The following TMEM39B variants were observed in gnomAD, a reference collection of about 807,000 sequenced individuals.
TMEM39B encodes the protein transmembrane protein 39B.
Under a neutral mutation model 52.2 loss-of-function variants are expected in TMEM39B, and 23 were observed. The ratio of observed to expected loss-of-function variants is 0.44; its 90% CI spans 0.32 to 0.62. The LOEUF is 0.62. TMEM39B is among the 20% of genes least tolerant of loss of function. TMEM39B has a pLI of 0.06. For synonymous variants in TMEM39B, 285 were observed against 264.0 expected (o/e 1.08, Z -0.77); for missense variants, 547 against 642.0 (o/e 0.85, Z 1.60).
intron 6 of TMEM39B, among the ~76,000 whole-genome samples, chr1:32,093,232 G>A (rs1640677157): frequency 6.6e-6 from 1 of 151,670 alleles, no homozygotes; most frequent in Non-Finnish European, 1.5e-5. Flanking sequence ...CCAAGTAGCT[G>A]GGATTACAGG....
rs544501648 is a variant in TMEM39B, at chr1:32,094,637, T to C, written c.928-147T>C. Reference sequence around the variant, plus strand: ...TAGTGGGCACAGGGCCTAAGCCTTGTTTGTTGGGTGTTTGATTCTTGGTTT... The same window carrying C: ...TAGTGGGCACAGGGCCTAAGCCTTGCTTGTTGGGTGTTTGATTCTTGGTTT... On this transcript the variant is annotated intron_variant, in intron 6 of 8. Coordinates refer to ENST00000336294, the MANE Select transcript of TMEM39B (RefSeq NM_018056.4). The C allele has an allele frequency of 4.0e-5, 36 of 893,258 alleles. No homozygotes were observed. In the African/African-American group the frequency reaches 5.7e-4, roughly 14 times the overall value. The allele number at this position is 893,258 out of a possible 1,614,324, so 55.3% of individuals were successfully genotyped here. A position where few individuals can be genotyped will look rare whatever the true frequency, so the allele number is the denominator to read the frequency against.
rs1207107603 is a variant in TMEM39B, at chr1:32,102,828, G to A, written c.*155G>A. ...ACGTACTGTTTCTTTGATAATTGAT[G>A]TGATAAGGAAAAAAGTCCTATTTTT... On this transcript the variant is annotated 3_prime_UTR_variant, in exon 9 of 9. Coordinates refer to ENST00000336294, the MANE Select transcript of TMEM39B (RefSeq NM_018056.4). The A allele has an allele frequency of 9.1e-6, 8 of 882,064 alleles. No homozygotes were observed. In the South Asian group the frequency reaches 1.7e-4, roughly 19 times the overall value. The allele number at this position is 882,064 out of a possible 1,614,324, so 54.6% of individuals were successfully genotyped here.
chr1:32,073,768 ACATC>A, intron 1 of TMEM39B: 1 of 985,370 alleles, frequency 1.0e-6, no homozygotes, highest in Non-Finnish European at 1.2e-6. Flanking sequence ...TTTTGGGCAT[ACATC>A]CAAGCCCAAA....
chr1:32,079,464 A>G (rs943752263), intron 5 of TMEM39B, among the ~76,000 whole-genome samples: 2 of 151,954 alleles, frequency 1.3e-5, no homozygotes, highest in South Asian at 4.2e-4. Flanking sequence ...GATTACAGGC[A>G]TGAGCCACCG....
intron 5 of TMEM39B, among the ~76,000 whole-genome samples, chr1:32,083,409 C>CTTT (rs1052027069): frequency 0.01 from 569 of 54,646 alleles, 14 homozygotes; most frequent in African/African-American, 0.015. Context: ...TAAAGGACTT[C>CTTT]TTTTTTTTTT....
intron 5 of TMEM39B, among the ~76,000 whole-genome samples, chr1:32,080,786 T>C (rs1640062964): frequency 6.6e-6 from 1 of 152,128 alleles, no homozygotes; most frequent in African/African-American, 2.4e-5. Flanking sequence ...TATGCTTTAT[T>C]TTTCATTATT....
chr1:32,083,106 G>A (rs543951654), intron 5 of TMEM39B, among the ~76,000 whole-genome samples: 6 of 115,574 alleles, frequency 5.2e-5, no homozygotes, highest in Non-Finnish European at 1.0e-4. Flanking sequence ...TTTTTGAGAC[G>A]GAGTTTTGCT....
intron 5 of TMEM39B, among the ~76,000 whole-genome samples, chr1:32,089,043 T>TA (rs1419022389): frequency 6.6e-6 from 1 of 152,000 alleles, no homozygotes; most frequent in Non-Finnish European, 1.5e-5. Context: ...ACAAGCTATG[T>TA]AATTTAGGGC....
At chr1:32,099,225 T>A (rs1412339805) in intron 7 of TMEM39B, among the ~76,000 whole-genome samples, 4 of 146,914 alleles carry the variant, frequency 2.7e-5, no homozygotes, top group African/African-American at 7.5e-5. Context: ...AGAGTGAGAC[T>A]CTGTCTCAAA....
Position 32,076,838 on chromosome 1 carries a change from G to C in TMEM39B, c.427G>C (p.Val143Leu). ...VLGRRFIGSI[V>L]KEASQRGKVS... Reference sequence around the variant, plus strand: ...GGGCCGCCGCTTCATTGGGTCCATCGTGAAGGAGGTGATTGGGTCCTAGAG... The same window carrying C: ...GGGCCGCCGCTTCATTGGGTCCATCCTGAAGGAGGTGATTGGGTCCTAGAG... Residue 143 changes from valine to leucine, a missense_variant, in exon 4 of 9, where the codon GTG (valine) becomes CTG (leucine). Val to Leu is a conservative substitution (Grantham distance 32). Coordinates refer to ENST00000336294, the MANE Select transcript of TMEM39B (RefSeq NM_018056.4). The C allele has an allele frequency of 6.2e-7, 1 of 1,614,092 alleles. No homozygotes were observed. Among genetic ancestry groups the C allele is most frequent in the Non-Finnish European group, 8.5e-7 (1 of 1,180,026 alleles).
intron 1 of TMEM39B, chr1:32,073,873 G>A: frequency 2.0e-6 from 2 of 985,344 alleles, no homozygotes; most frequent in Non-Finnish European, 2.4e-6. Flanking sequence ...CTGTGAAGAG[G>A]TATGAACAGG....
At chr1:32,093,122 G>C (rs942194716) in intron 6 of TMEM39B, among the ~76,000 whole-genome samples, 1 of 151,586 alleles carries the variant, frequency 6.6e-6, no homozygotes, top group African/African-American at 2.4e-5. Flanking sequence ...TTTTTTAGAC[G>C]GAGTCTCGCT....
At chr1:32,078,388 T>C (rs1327333342) in intron 5 of TMEM39B, among the ~76,000 whole-genome samples, 1 of 151,720 alleles carries the variant, frequency 6.6e-6, no homozygotes, top group African/African-American at 2.4e-5. Flanking sequence ...GAAGCTGAGG[T>C]GGGAGAATCA....
rs772246191 is a variant in TMEM39B at position 32,077,151 on chromosome 1, T to C, written c.436-13T>C. 2.5e-6 allele frequency: 4 copies of C among 1,613,710 alleles called. No individual in the cohort carries two copies. In the African/African-American group the frequency reaches 4.0e-5, roughly 16 times the overall value. ...TCCAAGGCCCCATCCCGTCCTATCT[T>C]GCCCCGACCCAGGCCTCTCAGAGGG... On this transcript the variant is annotated splice_polypyrimidine_tract_variant and intron_variant, in intron 4 of 8. Coordinates refer to ENST00000336294, the MANE Select transcript of TMEM39B (RefSeq NM_018056.4).
At position 32,073,028 on chromosome 1, in the gene TMEM39B, G is replaced by C. The variant is rs1055134116; in HGVS notation, c.-20G>C. On this transcript the variant is annotated 5_prime_UTR_variant, in exon 1 of 9. Transcript: ENST00000336294. ...CCGCAGGAGCTGCGGCGGCGAAGCGGAGAGCACCGGGGGGAGGAGATGGGT... is the reference window on the plus strand; with the variant it reads ...CCGCAGGAGCTGCGGCGGCGAAGCGCAGAGCACCGGGGGGAGGAGATGGGT... 2 of 1,529,152 alleles carry C rather than the reference G, an allele frequency of 1.3e-6. No individual in the cohort carries two copies. Among genetic ancestry groups the C allele is most frequent in the Non-Finnish European group, 1.8e-6 (2 of 1,136,622 alleles). The allele number at this position is 1,529,152 out of a possible 1,614,324, so 94.7% of individuals were successfully genotyped here. A position where few individuals can be genotyped will look rare whatever the true frequency, so the allele number is the denominator to read the frequency against.
Position 32,075,088 on chromosome 1 carries a change from T to C in TMEM39B, c.131+11T>C. 1 of 1,546,982 alleles carries C rather than the reference T, an allele frequency of 6.5e-7. No homozygotes were observed. Among genetic ancestry groups the C allele is most frequent in the Non-Finnish European group, 8.7e-7 (1 of 1,144,254 alleles). On this transcript the variant is annotated intron_variant, in intron 2 of 8. Coordinates refer to ENST00000336294, the MANE Select transcript of TMEM39B (RefSeq NM_018056.4). ...TCGTTCCCGCACCAGGTAAACCACC[T>C]CTCTGTCTCACCCCTCACTGTGGCC...
At chr1:32,096,453 T>A (rs112777682) in intron 7 of TMEM39B, among the ~76,000 whole-genome samples, 1,270 of 107,586 alleles carry the variant, frequency 0.012, 22 homozygotes, top group African/African-American at 0.037. Context: ...CCTCTGGCCT[T>A]TTTTTTTTTT....
At chr1:32,095,992 G>T (rs1640792864) in intron 7 of TMEM39B, among the ~76,000 whole-genome samples, 1 of 152,206 alleles carries the variant, frequency 6.6e-6, no homozygotes, top group African/African-American at 2.4e-5. Context: ...ACCTGTCCAT[G>T]GCTCACCGTG....
chr1:32,084,014 A>ACACACACACACACACACAG (rs1640232203), intron 5 of TMEM39B, among the ~76,000 whole-genome samples: 1 of 132,132 alleles, frequency 7.6e-6, no homozygotes, highest in African/African-American at 3.3e-5. Flanking sequence ...CACACACACA[A>ACACACACACACACACACAG]ATGTTCCTAG....
Sources: allele counts gnomAD v4.1 joint callset (sites outside exome capture counted in the v4.1 genomes callset), GRCh38; gene constraint gnomAD v4.1.1; transcripts MANE v1.5; gene names NCBI Gene and HGNC (gene_info 2026-07-23, HGNC 2026-07-21).